Variants in COL19A1 observed in about 807,000 individuals in gnomAD.
COL19A1 encodes the protein collagen alpha-1(XIX) chain.
COL19A1 carries 159 observed loss-of-function variants against 190.2 expected under a neutral mutation model. That is an observed-to-expected ratio of 0.84 (90% CI 0.73 to 0.95). The LOEUF (loss-of-function observed/expected upper bound fraction) is 0.95. Ranked by LOEUF, COL19A1 falls within the 40% of genes least tolerant of loss-of-function variation. The probability of loss-of-function intolerance (pLI) is 0.00; values close to 1 mark genes in which losing one functional copy is unlikely to be tolerated. For missense variants in COL19A1, 1,418 were observed against 1,431.9 expected (o/e 0.99, Z 0.16); for synonymous variants, 509 against 458.9 (o/e 1.11, Z -1.39).
At chr6:70,187,380 G>C (rs776192783) in intron 46 of COL19A1, among the ~76,000 whole-genome samples, 4 of 152,026 alleles carry the variant, frequency 2.6e-5, no homozygotes, top group Non-Finnish European at 5.9e-5. Context: ...AAACAAACCT[G>C]AAGAGTCTAA....
intron 4 of COL19A1, among the ~76,000 whole-genome samples, chr6:69,921,450 A>ATATTCATATATTCATATAT (rs368825990): frequency 7.7e-5 from 2 of 26,104 alleles, no homozygotes; most frequent in African/African-American, 2.5e-4. Flanking sequence ...TATATCATAT[A>ATATTCATATATTCATATAT]TCATATATAT....
At chr6:70,087,854 G>T (rs1227504347) in intron 15 of COL19A1, among the ~76,000 whole-genome samples, 3 of 152,166 alleles carry the variant, frequency 2.0e-5, no homozygotes, top group Non-Finnish European at 4.4e-5. Flanking sequence ...TATCCATGAT[G>T]ACACACTAGT....
At chr6:70,060,557 G>C (rs1780768855) in intron 14 of COL19A1, among the ~76,000 whole-genome samples, 1 of 152,048 alleles carries the variant, frequency 6.6e-6, no homozygotes, top group African/African-American at 2.4e-5. Flanking sequence ...GGCTGCATTA[G>C]ATTCTCATAA....
intron 11 of COL19A1, among the ~76,000 whole-genome samples, chr6:69,977,705 A>T (rs535177681): frequency 3.4e-4 from 52 of 152,286 alleles, no homozygotes; most frequent in Admixed American, 3.3e-3. Flanking sequence ...ATAGAAACTG[A>T]ACATTTCAAT....
At chr6:70,095,600 G>A (rs1293240793) in intron 15 of COL19A1, among the ~76,000 whole-genome samples, 2 of 152,156 alleles carry the variant, frequency 1.3e-5, no homozygotes, top group African/African-American at 2.4e-5. Flanking sequence ...GTAGTGTCAA[G>A]TATATTCACA....
chr6:69,904,366 G>A (rs1208801574), intron 4 of COL19A1, among the ~76,000 whole-genome samples: 2 of 152,136 alleles, frequency 1.3e-5, no homozygotes, highest in South Asian at 2.1e-4. Context: ...GCCAACCATC[G>A]GCACAGATAC....
chr6:69,964,382 G>A lies in COL19A1; in HGVS notation c.1026+1512G>A, dbSNP rs143987789. On this transcript the variant is annotated intron_variant, in intron 11 of 50. Coordinates refer to ENST00000620364, the MANE Select transcript of COL19A1 (RefSeq NM_001858.6). ...CTTTAGAATAACAGCCATTTGGAAGGCCATGTCTTTAAATAAATGCTTTAT... is the reference window on the plus strand; with the variant it reads ...CTTTAGAATAACAGCCATTTGGAAGACCATGTCTTTAAATAAATGCTTTAT... 7.6e-3 allele frequency among the ~76,000 whole-genome samples: 1,160 copies of A among 152,158 alleles called. 5 individuals carry two copies. Among genetic ancestry groups the A allele is most frequent in the Non-Finnish European group, 0.012 (815 of 67,972 alleles).
rs1766989554 is a variant in COL19A1 at position 70,193,193 on chromosome 6, C to T, written c.3094+2812C>T. On this transcript the variant is annotated intron_variant, in intron 48 of 50. Coordinates refer to ENST00000620364, the MANE Select transcript of COL19A1 (RefSeq NM_001858.6). ...TGAAGGTGTGGCCCCTGGCAGCCTG[C>T]CCTGTGCATTCAGCAAAAGAGACAC... Among the ~76,000 whole-genome samples the T allele has an allele frequency of 1.3e-5, 2 of 152,168 alleles. 1 individual carries two copies. Among genetic ancestry groups the T allele is most frequent in the South Asian group, 4.1e-4 (2 of 4,826 alleles).
At chr6:70,168,260 C>T in intron 39 of COL19A1, 45 bp downstream of exon 39, 1 of 1,585,882 alleles carries the variant, frequency 6.3e-7, no homozygotes, top group Non-Finnish European at 8.6e-7. Flanking sequence ...GCTGAACAAC[C>T]ACAATGAAAA....
chr6:69,950,028 A>G (rs1400970211), intron 9 of COL19A1, among the ~76,000 whole-genome samples: 1 of 151,878 alleles, frequency 6.6e-6, no homozygotes, highest in African/African-American at 2.4e-5. Flanking sequence ...ATGAAGTATT[A>G]ATTTGTACAT....
At chr6:70,145,517 G>A (rs931964294) in intron 25 of COL19A1, among the ~76,000 whole-genome samples, 1 of 152,068 alleles carries the variant, frequency 6.6e-6, no homozygotes, top group Admixed American at 6.6e-5. Flanking sequence ...AAGACATGGG[G>A]GACTACTGAT....
At chr6:70,020,114 C>A (rs1778337030) in intron 11 of COL19A1, among the ~76,000 whole-genome samples, 1 of 151,994 alleles carries the variant, frequency 6.6e-6, no homozygotes, top group Admixed American at 6.6e-5. Context: ...TTATTAATTG[C>A]CATCTAGAAT....
Position 69,917,312 on chromosome 6 carries a change from G to A in COL19A1, c.267-10597G>A, listed in dbSNP as rs1442084648. ...TTGTTTTCCTGATGAATGTGATATA[G>A]CACAGTCTCATAAGGCCTCCACGTT... On this transcript the variant is annotated intron_variant, in intron 4 of 50. Coordinates refer to ENST00000620364, the MANE Select transcript of COL19A1 (RefSeq NM_001858.6). 2.0e-5 allele frequency among the ~76,000 whole-genome samples: 3 copies of A among 152,148 alleles called. No homozygotes were observed. In the East Asian group the frequency reaches 5.8e-4, roughly 29 times the overall value.
intron 11 of COL19A1, among the ~76,000 whole-genome samples, chr6:69,964,824 C>T (rs2150048707): frequency 6.6e-6 from 1 of 152,174 alleles, no homozygotes. Flanking sequence ...CATGTAATAA[C>T]CGTTATGTTA....
chr6:69,968,323 T>G (rs1316879873), intron 11 of COL19A1, among the ~76,000 whole-genome samples: 1 of 152,206 alleles, frequency 6.6e-6, no homozygotes, highest in Non-Finnish European at 1.5e-5. Context: ...GTTGCTTTTT[T>G]GTTTTCAGCA....
chr6:70,105,736 A>G (rs764835968), intron 16 of COL19A1, among the ~76,000 whole-genome samples: 2 of 152,216 alleles, frequency 1.3e-5, no homozygotes, highest in Non-Finnish European at 2.9e-5. Flanking sequence ...TACTGGAGTT[A>G]GTATATACCT....
chr6:70,099,056 TAAAAA>T (rs5877239), intron 15 of COL19A1, among the ~76,000 whole-genome samples: 1 of 75,878 alleles, frequency 1.3e-5, no homozygotes, highest in African/African-American at 5.2e-5. Context: ...ACCCTGTCTC[TAAAAA>T]AAAAAAAAAA....
intron 14 of COL19A1, among the ~76,000 whole-genome samples, chr6:70,053,692 CAGATGTATTT>C (rs1386782790): frequency 2.0e-5 from 3 of 152,154 alleles, no homozygotes; most frequent in African/African-American, 7.2e-5. Flanking sequence ...AGTTAGCCCT[CAGATGTATTT>C]AGATATCATA....
At chr6:69,935,504 T>C (rs1487055211) in intron 7 of COL19A1, among the ~76,000 whole-genome samples, 1 of 152,058 alleles carries the variant, frequency 6.6e-6, no homozygotes, top group Admixed American at 6.6e-5. Flanking sequence ...ACTGTTTTGG[T>C]AATAACCTTG....
Sources: gnomAD v4.1 joint callset for allele counts (sites outside exome capture counted in the v4.1 genomes callset) on GRCh38, gnomAD v4.1.1 for gene constraint, MANE v1.5 for transcripts, NCBI Gene and HGNC (gene_info 2026-07-23, HGNC 2026-07-21) for gene names.